The following DNMT3A variants were observed in gnomAD, a reference collection of about 807,000 sequenced individuals.
DNMT3A encodes the protein DNA methyltransferase 3 alpha, also known as DNA (cytosine-5)-methyltransferase 3A.
Under a neutral mutation model 117.6 loss-of-function variants are expected in DNMT3A, and 267 were observed. That is an observed-to-expected ratio of 2.27 (90% confidence interval 2.05 to 2.51). The LOEUF (loss-of-function observed/expected upper bound fraction) is 2.51. DNMT3A is among the 30% of genes most tolerant of loss of function. The pLI is 0.00. For synonymous variants in DNMT3A, 432 were observed against 474.8 expected (o/e 0.91, Z 1.17); for missense variants, 1,029 against 1,260.2 (o/e 0.82, Z 2.78).
At position 25,252,060 on chromosome 2, in the gene DNMT3A, C is replaced by T. The variant is rs1234617320; in HGVS notation, c.640-3808G>A. On this transcript the variant is annotated intron_variant, in intron 6 of 22. Coordinates refer to ENST00000321117, the MANE Select transcript of DNMT3A (RefSeq NM_022552.5). This position sits in a 1 kb window ranked among gnomAD's most constrained non-coding sequence, Gnocchi z 5.5. The stretch of plus-strand genomic sequence containing the variant: ...AGCATCTCCAGAACTCGGGCCAGGC[C>T]GGGACGCCGCGGCTGCTGCGGGCCG... 3 of 1,214,040 alleles carry T rather than the reference C, an allele frequency of 2.5e-6. No individual in the cohort carries two copies. The highest frequency in any genetic ancestry group is 2.9e-5 in the East Asian group (1 of 33,964). 75.2% of individuals were successfully genotyped at this position (1,214,040 alleles called of 1,614,324 possible).
rs760624806 is a variant in DNMT3A at position 25,240,304 on chromosome 2, C to T, written c.2320G>A (p.Glu774Lys). Residue 774 changes from glutamate (E) to lysine (K), a missense_variant and splice_region_variant, in exon 19 of 23, where the codon GAG (glutamate) becomes AAG (lysine). Transcript: ENST00000321117. ...SDKRDISRFLESNPVMIDAKE... is the reference protein window; with the variant it reads ...SDKRDISRFLKSNPVMIDAKE... ...CAAACCAAGGTTGCTGGCTATACCT[C>T]GAGAAATCGCGAGATGTCCCTCTTG... 2.5e-6 allele frequency: 4 copies of T among 1,613,976 alleles called. No individual in the cohort carries two copies. Among genetic ancestry groups the T allele is most frequent in the Admixed American group, 1.7e-5 (1 of 59,998 alleles).
chr2:25,255,817 A>AG (rs1676055927), intron 6 of DNMT3A, among the ~76,000 whole-genome samples: 1 of 152,150 alleles, frequency 6.6e-6, no homozygotes, highest in African/African-American at 2.4e-5. Flanking sequence ...TCATGATCAT[A>AG]AGTATGTTAA....
intron 3 of DNMT3A, among the ~76,000 whole-genome samples, chr2:25,289,206 G>A (rs545713335): frequency 6.3e-4 from 95 of 151,394 alleles, no homozygotes; most frequent in Non-Finnish European, 9.6e-4. Flanking sequence ...GGATTCAAGC[G>A]ACTCTCCTGC....
At position 25,320,305 on chromosome 2, in the gene DNMT3A, A is replaced by G. The variant is rs532877163; in HGVS notation, c.-177-6144T>C. ...ATAACTTAAAAAATGGAACTGAAACATCTTTTACCTGCTGTGACTGCCCGT... is the reference window on the plus strand; with the variant it reads ...ATAACTTAAAAAATGGAACTGAAACGTCTTTTACCTGCTGTGACTGCCCGT... On this transcript the variant is annotated intron_variant, in intron 1 of 22. Transcript: ENST00000321117. Among the ~76,000 whole-genome samples, 145 of 152,304 alleles carry G rather than the reference A, an allele frequency of 9.5e-4. 1 individual carries two copies. The highest frequency in any genetic ancestry group is 3.4e-3 in the African/African-American group (142 of 41,564).
intron 6 of DNMT3A, among the ~76,000 whole-genome samples, chr2:25,264,132 G>GTTTTTTTGTTTTTT (rs2029959350): frequency 1.4e-5 from 1 of 73,740 alleles, no homozygotes; most frequent in African/African-American, 5.5e-5. Flanking sequence ...CAACCCTTTG[G>GTTTTTTTGTTTTTT]TTTTTTTTTT....
At chr2:25,277,105 C>A (rs538375569) in intron 4 of DNMT3A, among the ~76,000 whole-genome samples, 145 of 152,228 alleles carry the variant, frequency 9.5e-4, no homozygotes, top group South Asian at 1.7e-3. Context: ...CCGGGCTCAG[C>A]CCGCGGGGGC....
chr2:25,318,181 CA>C (rs2034456451), intron 1 of DNMT3A, among the ~76,000 whole-genome samples: 1 of 152,210 alleles, frequency 6.6e-6, no homozygotes, highest in Admixed American at 6.5e-5. Flanking sequence ...ATACCAACAT[CA>C]GTACCAAAAT....
intron 6 of DNMT3A, among the ~76,000 whole-genome samples, chr2:25,251,156 G>C (rs1343124031): frequency 2.3e-5 from 2 of 85,144 alleles, no homozygotes; most frequent in South Asian, 4.1e-4. Context: ...GAAGAAGCGG[G>C]GGGGGGGGTG....
chr2:25,252,399 T>G lies in DNMT3A; in HGVS notation c.640-4147A>C. The G allele has an allele frequency of 1.8e-5, 9 of 507,498 alleles. No homozygotes were observed. Among genetic ancestry groups the G allele is most frequent in the Admixed American group, 4.4e-5 (1 of 22,604 alleles). The allele number at this position is 507,498 out of a possible 1,614,324, so 31.4% of individuals were successfully genotyped here. A position where few individuals can be genotyped will look rare whatever the true frequency, so the allele number is the denominator to read the frequency against. The stretch of plus-strand genomic sequence containing the variant: ...GGACTCCAGGTCACGTGGGCCCCGC[T>G]GGAGGGCCTGGTTGGCTGCGAGCGG... On this transcript the variant is annotated intron_variant, in intron 6 of 22. Coordinates refer to ENST00000321117, the MANE Select transcript of DNMT3A (RefSeq NM_022552.5). This position sits in a 1 kb window ranked among gnomAD's most constrained non-coding sequence, Gnocchi z 5.5.
chr2:25,325,937 CACCAAGTAAAAGA>C (rs2034768406), intron 1 of DNMT3A, among the ~76,000 whole-genome samples: 1 of 152,174 alleles, frequency 6.6e-6, no homozygotes, highest in Non-Finnish European at 1.5e-5. Context: ...TGGGTTACTC[CACCAAGTAAAAGA>C]AGCATGACCT....
chr2:25,246,131 G>C (rs748686172), intron 11 of DNMT3A, 29 bp downstream of exon 11: 32 of 1,614,038 alleles, frequency 2.0e-5, no homozygotes, highest in Non-Finnish European at 2.6e-5. Flanking sequence ...GCCTCCTGGT[G>C]CCACCCTCTC....
chr2:25,234,030 G>A lies in DNMT3A; in HGVS notation c.*249C>T, dbSNP rs1231235004. 1 of 382,156 alleles carries A rather than the reference G, an allele frequency of 2.6e-6. No individual in the cohort carries two copies. Among genetic ancestry groups the A allele is most frequent in the Non-Finnish European group, 4.4e-6 (1 of 225,336 alleles). 23.7% of individuals were successfully genotyped at this position (382,156 alleles called of 1,614,324 possible). ...AAAAGGGAAGGGGGAGGAAGGGAAG[G>A]GAGCTTGGTTTTGTTTTTAAATAGG... On this transcript the variant is annotated 3_prime_UTR_variant, in exon 23 of 23. Coordinates refer to ENST00000321117, the MANE Select transcript of DNMT3A (RefSeq NM_022552.5). This position sits in a 1 kb window ranked among gnomAD's most constrained non-coding sequence, Gnocchi z 4.5.
intron 10 of DNMT3A, 29 bp downstream of exon 10, chr2:25,246,591 G>T: frequency 6.3e-7 from 1 of 1,593,430 alleles, no homozygotes; most frequent in Non-Finnish European, 8.6e-7. Flanking sequence ...GCGGGCAGGG[G>T]TCCCAGAAAG....
chr2:25,335,867 C>G (rs2035196733), intron 1 of DNMT3A, among the ~76,000 whole-genome samples: 1 of 152,074 alleles, frequency 6.6e-6, no homozygotes, highest in Admixed American at 6.5e-5. Flanking sequence ...AAATAGGAAC[C>G]TGGTCATATA....
At chr2:25,278,001 T>TCTCA (rs769383520) in intron 4 of DNMT3A, among the ~76,000 whole-genome samples, 1 of 90,500 alleles carries the variant, frequency 1.1e-5, no homozygotes, top group East Asian at 3.6e-4. Context: ...ACTTGAGTGA[T>TCTCA]CACACACACA....
Position 25,234,719 on chromosome 2 carries a change from T to G in DNMT3A, c.2598-299A>C, listed in dbSNP as rs1477068978. Among the ~76,000 whole-genome samples the G allele has an allele frequency of 6.6e-6, 1 of 151,852 alleles. No individual in the cohort carries two copies. Among genetic ancestry groups the G allele is most frequent in the South Asian group, 2.1e-4 (1 of 4,828 alleles). On this transcript the variant is annotated intron_variant, in intron 22 of 22. Coordinates refer to ENST00000321117, the MANE Select transcript of DNMT3A (RefSeq NM_022552.5). This position sits in a 1 kb window ranked among gnomAD's most constrained non-coding sequence, Gnocchi z 4.5. Reference sequence around the variant, plus strand: ...TTTCACAACCCAGCAGAAATAAGAGTAATTTTGAACAATCCCTCAGAAATA... The same window carrying G: ...TTTCACAACCCAGCAGAAATAAGAGGAATTTTGAACAATCCCTCAGAAATA...
chr2:25,281,969 C>T lies in DNMT3A; in HGVS notation c.448+472G>A. The T allele has an allele frequency of 2.8e-6, 3 of 1,088,880 alleles. No individual in the cohort carries two copies. The highest frequency in any genetic ancestry group is 3.4e-6 in the Non-Finnish European group (3 of 893,058). The allele number at this position is 1,088,880 out of a possible 1,614,324, so 67.5% of individuals were successfully genotyped here. On this transcript the variant is annotated intron_variant, in intron 4 of 22. Transcript: ENST00000321117. This position sits in a 1 kb window ranked among gnomAD's most constrained non-coding sequence, Gnocchi z 4.8. ...ACAGGGTATCTGCTGCCCTTGAGTG[C>T]CCAGGCCAGGGGCTACAAATACAGC... is the stretch of plus-strand genomic sequence containing the variant.
chr2:25,253,716 C>T (rs1200394115), intron 6 of DNMT3A, among the ~76,000 whole-genome samples: 2 of 152,150 alleles, frequency 1.3e-5, no homozygotes, highest in Non-Finnish European at 2.9e-5. Context: ...GAAGGAAGAA[C>T]TGAGGAAATG....
rs1242276424 is a variant in DNMT3A at position 25,230,527 on chromosome 2, A to C, written c.*3752T>G. 4 of 152,086 alleles carry C rather than the reference A, an allele frequency of 2.6e-5. No homozygotes were observed. The highest frequency in any genetic ancestry group is 4.8e-5 in the African/African-American group (2 of 41,344). 9.4% of individuals were successfully genotyped at this position (152,086 alleles called of 1,614,324 possible). A position where few individuals can be genotyped will look rare whatever the true frequency, so the allele number is the denominator to read the frequency against. Reference sequence around the variant, plus strand: ...AATTCCACAGGGAATATGCCTGGCAATTTTCCCTAGGCCTTCTTGGTTCCC... The same window carrying C: ...AATTCCACAGGGAATATGCCTGGCACTTTTCCCTAGGCCTTCTTGGTTCCC... On this transcript the variant is annotated 3_prime_UTR_variant, in exon 23 of 23. Coordinates refer to ENST00000321117, the MANE Select transcript of DNMT3A (RefSeq NM_022552.5).
Sources: gnomAD v4.1 joint callset for allele counts (sites outside exome capture counted in the v4.1 genomes callset) on GRCh38, gnomAD v4.1.1 for gene constraint, Gnocchi (gnomAD v3.1) non-coding constraint, MANE v1.5 for transcripts, NCBI Gene and HGNC (gene_info 2026-07-23, HGNC 2026-07-21) for gene names.